Variants in HEATR4 observed in about 807,000 individuals in gnomAD.
HEATR4 encodes HEAT repeat containing 4.
Under a neutral mutation model 108.8 loss-of-function variants are expected in HEATR4, and 95 were observed. The ratio of observed to expected loss-of-function variants is 0.87; its 90% CI spans 0.74 to 1.04. HEATR4 has a LOEUF of 1.04. HEATR4 is among the 50% of genes least tolerant of loss of function. The pLI, the probability that HEATR4 is intolerant of heterozygous loss-of-function variation, is 0.00. For missense variants in HEATR4, 1,152 were observed against 1,253.8 expected (o/e 0.92, Z 1.23); for synonymous variants, 443 against 459.4 (o/e 0.96, Z 0.46).
chr14:73,506,423 C>T (rs773664740), intron 10 of HEATR4, 44 bp downstream of exon 10: 10 of 1,435,202 alleles, frequency 7.0e-6, no homozygotes, highest in Admixed American at 6.7e-5. Flanking sequence ...TGTAGCTCAG[C>T]CTCTCTTAGG....
rs181130615 is a variant in HEATR4, at chr14:73,512,321, A to G, written c.1415-172T>C. Among the ~76,000 whole-genome samples the G allele has an allele frequency of 5.6e-3, 849 of 152,282 alleles. 7 individuals carry two copies. Among genetic ancestry groups the G allele is most frequent in the Non-Finnish European group, 9.2e-3 (628 of 68,020 alleles). On this transcript the variant is annotated intron_variant, in intron 6 of 17. Coordinates refer to ENST00000553558, the MANE Select transcript of HEATR4 (RefSeq NM_001220484.1). ...TCTTTAGGGAGTTATTTCTCTGATG[A>G]TCCATGTACCCTCACAAGTAAGTTC...
At chr14:73,524,307 AAAAAT>A (rs1374149831) in intron 2 of HEATR4, among the ~76,000 whole-genome samples, 21 of 110,072 alleles carry the variant, frequency 1.9e-4, no homozygotes, top group Non-Finnish European at 3.6e-4. Flanking sequence ...AAAAAAAAAA[AAAAAT>A]ATATATATAT....
At chr14:73,501,961 G>A (rs1384459968) in intron 11 of HEATR4, among the ~76,000 whole-genome samples, 1 of 151,474 alleles carries the variant, frequency 6.6e-6, no homozygotes, top group African/African-American at 2.4e-5. Context: ...TAGTCAGGAT[G>A]GTCTCGATCT....
chr14:73,517,808 G>T (rs749061389), intron 5 of HEATR4, among the ~76,000 whole-genome samples: 2 of 152,064 alleles, frequency 1.3e-5, no homozygotes, highest in Non-Finnish European at 2.9e-5. Context: ...AGAAAAAGAG[G>T]CTGGACACGG....
At chr14:73,538,609 C>G (rs1888960088) in intron 1 of HEATR4, among the ~76,000 whole-genome samples, 1 of 59,684 alleles carries the variant, frequency 1.7e-5, no homozygotes, top group African/African-American at 6.7e-5. Context: ...GAGACTCCGT[C>G]TCAAAAAAAA....
rs34357059 is a variant in HEATR4 at position 73,481,551 on chromosome 14, T to TAA, written c.2845-2711_2845-2710dup. Among the ~76,000 whole-genome samples, 241 of 151,688 alleles carry TAA rather than the reference T, an allele frequency of 1.6e-3. 2 individuals are homozygous for TAA. Among genetic ancestry groups the TAA allele is most frequent in the Admixed American group, 5.6e-3 (85 of 15,224 alleles). On this transcript the variant is annotated intron_variant, in intron 17 of 17. Transcript: ENST00000553558. ...GTAAAAGACAAAGCTATAGAGATAG[T>TAA]AAAAAAAGGCCGGGCATGGTGGCTC...
At chr14:73,598,400 A>G in the HEATR4 span, among the ~76,000 whole-genome samples, 1 of 151,306 alleles carries the variant, frequency 6.6e-6, no homozygotes, top group East Asian at 2.0e-4. Flanking sequence ...AAAAAAAAAA[A>G]AAAAAGAGAG....
rs1411407624 is a variant in HEATR4 at position 73,553,014 on chromosome 14, C to T, written c.-152+5737G>A. ...CCTGACTCCCACTGTTCCTGGCTCACGGCCTGGCCACCTTGTCTCGCTCAT... is the reference window on the plus strand; with the variant it reads ...CCTGACTCCCACTGTTCCTGGCTCATGGCCTGGCCACCTTGTCTCGCTCAT... On this transcript the variant is annotated intron_variant, in intron 1 of 17. Coordinates refer to ENST00000553558, the MANE Select transcript of HEATR4 (RefSeq NM_001220484.1). Among the ~76,000 whole-genome samples the T allele has an allele frequency of 1.7e-5, 2 of 115,034 alleles. 1 individual carries two copies. Among genetic ancestry groups the T allele is most frequent in the Admixed American group, 1.9e-4 (2 of 10,326 alleles). The allele number at this position is 115,034 out of a possible 152,430, so 75.5% of individuals were successfully genotyped here. A position where few individuals can be genotyped will look rare whatever the true frequency, so the allele number is the denominator to read the frequency against.
chr14:73,610,393 C>G, the HEATR4 span, among the ~76,000 whole-genome samples: 1 of 151,164 alleles, frequency 6.6e-6, no homozygotes, highest in African/African-American at 2.4e-5. Flanking sequence ...CGGGTTCAAG[C>G]AATTCTCCTG....
the HEATR4 span, among the ~76,000 whole-genome samples, chr14:73,611,906 C>T: frequency 2.6e-5 from 4 of 152,046 alleles, no homozygotes; most frequent in Non-Finnish European, 5.9e-5. Flanking sequence ...CAAGGGGTCA[C>T]CTGAGTACAA....
At chr14:73,495,095 C>T in intron 16 of HEATR4, 133 bp downstream of exon 16, 1 of 652,082 alleles carries the variant, frequency 1.5e-6, no homozygotes, top group Admixed American at 2.8e-5. Flanking sequence ...TGGATGGTAG[C>T]CAAGAGGGAA....
intron 17 of HEATR4, among the ~76,000 whole-genome samples, chr14:73,487,304 C>T (rs892208451): frequency 6.6e-6 from 1 of 151,736 alleles, no homozygotes; most frequent in Non-Finnish European, 1.5e-5. Flanking sequence ...CAGTGGCTCG[C>T]GCCTGTAATC....
At chr14:73,546,716 C>G (rs1889238375) in intron 1 of HEATR4, among the ~76,000 whole-genome samples, 1 of 113,268 alleles carries the variant, frequency 8.8e-6, no homozygotes, top group South Asian at 2.8e-4. Flanking sequence ...ACTTTCAACC[C>G]ATGCACACTG....
rs755706245 is a variant in HEATR4 at position 73,493,603 on chromosome 14, C to T, written c.2786-479G>A. ...CTGTAATCCTAGCACTTTAGGAGGCCGAGGCGGGTGGATCACCTGAGGTCA... is the reference window on the plus strand; with the variant it reads ...CTGTAATCCTAGCACTTTAGGAGGCTGAGGCGGGTGGATCACCTGAGGTCA... On this transcript the variant is annotated intron_variant, in intron 16 of 17. Coordinates refer to ENST00000553558, the MANE Select transcript of HEATR4 (RefSeq NM_001220484.1). Among the ~76,000 whole-genome samples the T allele has an allele frequency of 3.6e-4, 55 of 151,890 alleles. 1 individual carries two copies. The highest frequency in any genetic ancestry group is 6.5e-4 in the Non-Finnish European group (44 of 67,972).
the HEATR4 span, among the ~76,000 whole-genome samples, chr14:73,617,874 G>C: frequency 2.0e-5 from 3 of 150,380 alleles, no homozygotes; most frequent in African/African-American, 7.4e-5. Flanking sequence ...GCCAGGTGCG[G>C]TGGCTCACGT....
chr14:73,531,655 T>TGTCC (rs1888711070), intron 1 of HEATR4, among the ~76,000 whole-genome samples: 8 of 110,134 alleles, frequency 7.3e-5, no homozygotes, highest in African/African-American at 2.3e-4. Flanking sequence ...GTGATGCACC[T>TGTCC]GCCTTGGCCT....
chr14:73,519,054 T>C lies in HEATR4; in HGVS notation c.1179A>G (p.Glu393=). 1 of 1,613,860 alleles carries C rather than the reference T, an allele frequency of 6.2e-7. No individual in the cohort carries two copies. Among genetic ancestry groups the C allele is most frequent in the Non-Finnish European group, 8.5e-7 (1 of 1,179,890 alleles). ...CAGGAATTGCCTGGGCACTCCACTT[T>C]TCTGGAGTTTCAGGGAAGACCTTAG... ...QLSKVFPETP[E]KWSAQAIPEA... Residue 393 remains glutamate (E), a synonymous_variant, in exon 5 of 18, where the codon GAA becomes GAG. Coordinates refer to ENST00000553558, the MANE Select transcript of HEATR4 (RefSeq NM_001220484.1).
rs1185857497 is a variant in HEATR4 at position 73,544,877 on chromosome 14, G to A, written c.-152+13874C>T. ...CTGGAGGCAGAGGTTGCAGTGAGCC[G>A]AGATTGTGCTACTGCGCTCTAGCCT... On this transcript the variant is annotated intron_variant, in intron 1 of 17. Coordinates refer to ENST00000553558, the MANE Select transcript of HEATR4 (RefSeq NM_001220484.1). 3.6e-5 allele frequency among the ~76,000 whole-genome samples: 4 copies of A among 111,470 alleles called. 2 individuals carry two copies. The highest frequency in any genetic ancestry group is 1.4e-3 in the East Asian group (2 of 1,398). The allele number at this position is 111,470 out of a possible 152,430, so 73.1% of individuals were successfully genotyped here. A position where few individuals can be genotyped will look rare whatever the true frequency, so the allele number is the denominator to read the frequency against.
At chr14:73,631,460 A>ATAT in the HEATR4 span, 1 of 152,508 alleles carries the variant, frequency 6.6e-6, no homozygotes, top group Non-Finnish European at 1.5e-5. Flanking sequence ...ATTTGAAAAA[A>ATAT]TGTAGTAGGT....
Sources: allele counts gnomAD v4.1 joint callset (sites outside exome capture counted in the v4.1 genomes callset), GRCh38; gene constraint gnomAD v4.1.1; transcripts MANE v1.5; gene names NCBI Gene and HGNC (gene_info 2026-07-23, HGNC 2026-07-21).